Variants in MYO5C observed in about 807,000 individuals in gnomAD.
MYO5C encodes the protein myosin VC.
MYO5C carries 194 observed loss-of-function variants against 235.7 expected under a neutral mutation model. The observed-to-expected ratio is 0.82, with a 90% confidence interval of 0.73 to 0.93. The LOEUF (loss-of-function observed/expected upper bound fraction) is 0.93, where lower values mean the gene tolerates loss of function less well. MYO5C is among the 40% of genes least tolerant of loss of function. The probability of loss-of-function intolerance (pLI) is 0.00; values close to 1 mark genes in which losing one functional copy is unlikely to be tolerated. For missense variants in MYO5C, 2,038 were observed against 2,127.2 expected (o/e 0.96, Z 0.82); for synonymous variants, 707 against 754.8 (o/e 0.94, Z 1.04).
chr15:52,214,808 A>G (rs904426843), intron 32 of MYO5C, 118 bp from the exon 33 acceptor site: 13 of 573,240 alleles, frequency 2.3e-5, no homozygotes, highest in Non-Finnish European at 3.5e-5. Context: ...CACCCATTTA[A>G]AGTGTAAACT....
At chr15:52,279,198 G>A (rs548734320) in intron 3 of MYO5C, among the ~76,000 whole-genome samples, 181 bp from the exon 4 acceptor site, 2 of 152,162 alleles carry the variant, frequency 1.3e-5, no homozygotes, top group Admixed American at 1.3e-4. Flanking sequence ...CTGTTCTGAC[G>A]GTTGGTTGAC....
chr15:52,256,587 A>ACGCGCGCGCGCGCGCGCGCGCG, intron 11 of MYO5C, 52 bp downstream of exon 11: 1 of 564,336 alleles, frequency 1.8e-6, no homozygotes, highest in Admixed American at 2.9e-5. Flanking sequence ...ACACACACAC[A>ACGCGCGCGCGCGCGCGCGCGCG]CGCGCGCGCG....
At chr15:52,274,562 G>A (rs1225695905) in intron 5 of MYO5C, among the ~76,000 whole-genome samples, 2 of 152,238 alleles carry the variant, frequency 1.3e-5, no homozygotes, top group African/African-American at 2.4e-5. Flanking sequence ...ATAGATGTGA[G>A]CCACCGCACC....
intron 11 of MYO5C, among the ~76,000 whole-genome samples, chr15:52,253,814 G>T (rs1489369744): frequency 2.6e-5 from 4 of 152,224 alleles, no homozygotes; most frequent in Non-Finnish European, 4.4e-5. Flanking sequence ...CAGCCTGGCT[G>T]GGTGGAGCCA....
In MYO5C at chr15:52,295,595, A is replaced by T. The variant is rs2037485828; in HGVS notation, c.27+15T>A. 6.7e-7 allele frequency: 1 copy of T among 1,499,868 alleles called. No homozygotes were observed. The highest frequency in any genetic ancestry group is 2.2e-5 in the Admixed American group (1 of 44,682). 92.9% of individuals were successfully genotyped at this position (1,499,868 alleles called of 1,614,324 possible). On this transcript the variant is annotated intron_variant, in intron 1 of 40. Coordinates refer to ENST00000261839, the MANE Select transcript of MYO5C (RefSeq NM_018728.4). ...TCCCCCACAGCGCTCCCAGGAGCCC[A>T]GCGGACCCTCCTACCTGCGTGTACA...
At position 52,225,063 on chromosome 15, in the gene MYO5C, A is replaced by G. The variant is rs753947513; in HGVS notation, c.3365+12T>C. ...CATGTCTTAAAATGTTTGATAATGC[A>G]AAAATGATTACCTGCTTCTTACATC... On this transcript the variant is annotated intron_variant, in intron 27 of 40. Coordinates refer to ENST00000261839, the MANE Select transcript of MYO5C (RefSeq NM_018728.4). The G allele has an allele frequency of 6.2e-7, 1 of 1,613,992 alleles. No individual in the cohort carries two copies. The highest frequency in any genetic ancestry group is 1.7e-5 in the Admixed American group (1 of 60,022).
chr15:52,295,512 C>CG, intron 1 of MYO5C, 98 bp downstream of exon 1: 13 of 1,372,670 alleles, frequency 9.5e-6, no homozygotes, highest in Non-Finnish European at 1.3e-5. Flanking sequence ...GTGTCAGGTG[C>CG]GCAGGTGTGG....
intron 10 of MYO5C, among the ~76,000 whole-genome samples, chr15:52,257,141 A>T (rs2036601077): frequency 6.6e-6 from 1 of 152,260 alleles, no homozygotes; most frequent in South Asian, 2.1e-4. Flanking sequence ...GCCTCCAATG[A>T]GAAGGCAATG....
chr15:52,277,745 G>T (rs901722228), intron 4 of MYO5C: 7 of 427,172 alleles, frequency 1.6e-5, no homozygotes, highest in Non-Finnish European at 2.8e-5. Context: ...CAGGGACAGG[G>T]AGCTGCACGG....
At chr15:52,272,557 G>A in intron 6 of MYO5C, 23 bp downstream of exon 6, 1 of 1,609,258 alleles carries the variant, frequency 6.2e-7, no homozygotes, top group Non-Finnish European at 8.5e-7. Flanking sequence ...AAAAAGTTGG[G>A]GAAAAGGAAA....
At chr15:52,222,597 A>T (rs2141287821) in intron 29 of MYO5C, among the ~76,000 whole-genome samples, 1 of 152,138 alleles carries the variant, frequency 6.6e-6, no homozygotes, top group East Asian at 1.9e-4. Context: ...AGGCAGAGTC[A>T]GCCAGTGGTG....
intron 23 of MYO5C, among the ~76,000 whole-genome samples, chr15:52,233,413 T>C (rs1449398426): frequency 3.3e-5 from 5 of 152,232 alleles, no homozygotes; most frequent in African/African-American, 9.6e-5. Context: ...GATAATTCTT[T>C]GCTGTGGAGA....
intron 35 of MYO5C, among the ~76,000 whole-genome samples, 169 bp downstream of exon 35, chr15:52,211,561 C>T (rs976577711): frequency 2.6e-5 from 4 of 152,182 alleles, no homozygotes; most frequent in Non-Finnish European, 5.9e-5. Flanking sequence ...AGATGCTCAT[C>T]CATTTATCTT....
Position 52,275,686 on chromosome 15 carries a change from C to T in MYO5C, c.482G>A (p.Gly161Glu). 5 of 1,614,228 alleles carry T rather than the reference C, an allele frequency of 3.1e-6. No homozygotes were observed. The highest frequency in any genetic ancestry group is 4.2e-6 in the Non-Finnish European group (5 of 1,180,042). ...CACTGTCTTTCCAGCACCTGACTCC[C>T]CACTTACAATTATGGACTGGTTTCT... ...NNRNQSIIVS[G>E]ESGAGKTVSA... is the part of the protein sequence containing the mutation. Residue 161 changes from glycine to glutamate, a missense_variant, in exon 5 of 41, where the codon GGG becomes GAG. Physicochemically the swap from Gly to Glu is moderately conservative, Grantham distance 98. Coordinates refer to ENST00000261839, the MANE Select transcript of MYO5C (RefSeq NM_018728.4).
intron 14 of MYO5C, among the ~76,000 whole-genome samples, 187 bp from the exon 15 acceptor site, chr15:52,247,779 T>C (rs1397282113): frequency 6.6e-6 from 1 of 152,188 alleles, no homozygotes; most frequent in African/African-American, 2.4e-5. Flanking sequence ...CGTGACTTCT[T>C]TCCCGAGAAG....
At chr15:52,239,433 C>T (rs532827841) in intron 21 of MYO5C, among the ~76,000 whole-genome samples, 1 of 151,490 alleles carries the variant, frequency 6.6e-6, no homozygotes, top group African/African-American at 2.5e-5. Flanking sequence ...TAGGAGGTAC[C>T]TTTGCCTCAA....
intron 2 of MYO5C, among the ~76,000 whole-genome samples, chr15:52,281,401 T>A (rs1353538997): frequency 6.6e-6 from 1 of 152,206 alleles, no homozygotes; most frequent in Non-Finnish European, 1.5e-5. Context: ...GCCCTGCAGA[T>A]ATTACCAAAG....
intron 31 of MYO5C, 139 bp downstream of exon 31, chr15:52,219,620 C>G: frequency 1.5e-6 from 1 of 649,342 alleles, no homozygotes; most frequent in Non-Finnish European, 2.7e-6. Context: ...TTCTTTCCTT[C>G]CCATCAGAAT....
At chr15:52,197,794 C>A (rs1257089133) in intron 38 of MYO5C, among the ~76,000 whole-genome samples, 1 of 151,902 alleles carries the variant, frequency 6.6e-6, no homozygotes, top group Admixed American at 6.5e-5. Context: ...TGCCACTACA[C>A]CCGGCTAATT....
Sources: gnomAD v4.1 joint callset for allele counts (sites outside exome capture counted in the v4.1 genomes callset) on GRCh38, gnomAD v4.1.1 for gene constraint, MANE v1.5 for transcripts, NCBI Gene and HGNC (gene_info 2026-07-23, HGNC 2026-07-21) for gene names.